LRRN3: variants seen among roughly 807,000 people sequenced by gnomAD.
LRRN3 encodes the protein leucine-rich repeat neuronal protein 3.
In LRRN3, 15 loss-of-function variants were observed where a neutral mutation model predicts 40.1. The observed-to-expected ratio is 0.37, with a 90% CI of 0.25 to 0.58. LRRN3 has a LOEUF of 0.58. Ranked by LOEUF, LRRN3 falls within the 20% of genes least tolerant of loss-of-function variation. The pLI, the probability that LRRN3 is intolerant of heterozygous loss-of-function variation, is 0.72. For synonymous variants in LRRN3, 308 were observed against 297.2 expected (o/e 1.04, Z -0.37); for missense variants, 746 against 837.7 (o/e 0.89, Z 1.35).
intron 1 of LRRN3, among the ~76,000 whole-genome samples, chr7:111,096,145 T>A (rs1797373158): frequency 6.6e-6 from 1 of 151,962 alleles, no homozygotes; most frequent in Admixed American, 6.6e-5. Context: ...TACAGAGCAA[T>A]TTTTCAACAA....
At chr7:111,111,159 G>A (rs1386470672) in intron 2 of LRRN3, among the ~76,000 whole-genome samples, 7 of 151,956 alleles carry the variant, frequency 4.6e-5, no homozygotes, top group Non-Finnish European at 7.4e-5. Context: ...TGAAATGAAT[G>A]CAAATTTATA....
In LRRN3 at chr7:111,123,714, A is replaced by C; in HGVS notation, c.942A>C (p.Ile314=). Residue 314 remains isoleucine, a synonymous_variant, in exon 3 of 3, where the codon ATA becomes ATC. Transcript: ENST00000308478. This position sits in a 1 kb window ranked among gnomAD's most constrained non-coding sequence, Gnocchi z 6.4. ...AVDNLPDLRK[I]EATNNPRLSY... ...ATAACCTGCCAGATTTAAGAAAAAT[A>C]GAAGCTACTAACAACCCTAGATTGT... 1 of 1,613,960 alleles carries C rather than the reference A, an allele frequency of 6.2e-7. No individual in the cohort carries two copies. Among genetic ancestry groups the C allele is most frequent in the Non-Finnish European group, 8.5e-7 (1 of 1,179,938 alleles).
intron 2 of LRRN3, among the ~76,000 whole-genome samples, chr7:111,104,507 AT>A: frequency 6.6e-6 from 1 of 151,886 alleles, no homozygotes; most frequent in East Asian, 1.9e-4. Flanking sequence ...GCTGATATCA[AT>A]TTTTTAAAAG....
At chr7:111,118,671 T>A (rs541798381) in intron 2 of LRRN3, among the ~76,000 whole-genome samples, 2 of 152,078 alleles carry the variant, frequency 1.3e-5, no homozygotes, top group Admixed American at 6.6e-5. Flanking sequence ...AAGAAGATAC[T>A]ATTATTACTT....
chr7:111,094,040 A>G (rs1262108559), intron 1 of LRRN3, among the ~76,000 whole-genome samples: 1 of 152,158 alleles, frequency 6.6e-6, no homozygotes, highest in Non-Finnish European at 1.5e-5. Flanking sequence ...TGATCAACTT[A>G]TGATGCACTA....
At position 111,123,814 on chromosome 7, in the gene LRRN3, G is replaced by A; in HGVS notation, c.1042G>A (p.Ala348Thr). The A allele has an allele frequency of 6.2e-7, 1 of 1,613,938 alleles. No homozygotes were observed. The highest frequency in any genetic ancestry group is 8.5e-7 in the Non-Finnish European group (1 of 1,179,968). ...SLMLNSNALSALYHGTIESLP... is the reference protein window; with the variant it reads ...SLMLNSNALSTLYHGTIESLP... ...CATGCTGAACAGCAATGCTCTCAGT[G>A]CCCTGTACCATGGTACCATTGAGTC... is the stretch of plus-strand genomic sequence containing the variant. Residue 348 changes from alanine (A) to threonine (T), a missense_variant, in exon 3 of 3, where the codon GCC (alanine) becomes ACC (threonine). Coordinates refer to ENST00000308478, the MANE Select transcript of LRRN3 (RefSeq NM_001099658.2). This position sits in a 1 kb window ranked among gnomAD's most constrained non-coding sequence, Gnocchi z 6.4.
intron 2 of LRRN3, among the ~76,000 whole-genome samples, chr7:111,101,084 G>C (rs1171056244): frequency 6.6e-6 from 1 of 151,188 alleles, no homozygotes; most frequent in Non-Finnish European, 1.5e-5. Flanking sequence ...GCAGTATATC[G>C]AATTCTCAAC....
intron 2 of LRRN3, among the ~76,000 whole-genome samples, chr7:111,106,239 G>A (rs1798534498): frequency 6.6e-6 from 1 of 151,778 alleles, no homozygotes; most frequent in Non-Finnish European, 1.5e-5. Context: ...CAAAGTACCT[G>A]GAACACTCAA....
chr7:111,111,411 A>C lies in LRRN3; in HGVS notation c.-358-11004A>C, dbSNP rs539315319. ...ATTACACTGCTTTCCATCCCCCCCCAAAAAAAAATGGCCCGTTAGTATTTT... is the reference window on the plus strand; with the variant it reads ...ATTACACTGCTTTCCATCCCCCCCCCAAAAAAAATGGCCCGTTAGTATTTT... On this transcript the variant is annotated intron_variant, in intron 2 of 2. Transcript: ENST00000308478. 6.4e-3 allele frequency among the ~76,000 whole-genome samples: 915 copies of C among 142,712 alleles called. 2 individuals carry two copies. The highest frequency in any genetic ancestry group is 7.8e-3 in the Non-Finnish European group (505 of 65,144). 93.6% of individuals were successfully genotyped at this position (142,712 alleles called of 152,430 possible).
chr7:111,120,892 C>A (rs1800518595), intron 2 of LRRN3, among the ~76,000 whole-genome samples: 1 of 150,762 alleles, frequency 6.6e-6, no homozygotes. Flanking sequence ...TGTAAGTGAA[C>A]AGTATTATTC....
At chr7:111,112,003 A>C (rs939842514) in intron 2 of LRRN3, among the ~76,000 whole-genome samples, 1 of 124,172 alleles carries the variant, frequency 8.1e-6, no homozygotes, top group African/African-American at 3.2e-5. Flanking sequence ...GCTGGAGTGC[A>C]GTGGTGCGAT....
intron 2 of LRRN3, among the ~76,000 whole-genome samples, chr7:111,116,271 T>G (rs1196885324): frequency 4.6e-5 from 7 of 152,100 alleles, no homozygotes. Context: ...AAATAAAAGT[T>G]CTTAAACATG....
chr7:111,098,957 A>C (rs1301211251), intron 1 of LRRN3, among the ~76,000 whole-genome samples: 1 of 151,744 alleles, frequency 6.6e-6, no homozygotes, highest in Non-Finnish European at 1.5e-5. Flanking sequence ...TGCTCATACT[A>C]GAATATTATA....
intron 1 of LRRN3, among the ~76,000 whole-genome samples, chr7:111,097,493 C>T (rs1177340552): frequency 6.6e-6 from 1 of 151,672 alleles, no homozygotes; most frequent in Non-Finnish European, 1.5e-5. Context: ...CTTGGGGTAA[C>T]ATTTGTTCTA....
intron 2 of LRRN3, among the ~76,000 whole-genome samples, chr7:111,114,328 GCCAC>G (rs1799590032): frequency 6.6e-6 from 1 of 151,950 alleles, no homozygotes; most frequent in African/African-American, 2.4e-5. Context: ...CTATCTCTAT[GCCAC>G]TGTTTGACAG....
In LRRN3 at chr7:111,122,788, C is replaced by T; in HGVS notation, c.16C>T (p.Leu6Phe). 6.2e-7 allele frequency: 1 copy of T among 1,612,618 alleles called. No individual in the cohort carries two copies. The highest frequency in any genetic ancestry group is 8.5e-7 in the Non-Finnish European group (1 of 1,179,154). ...GAAAGCTAAGATGAAGGACATGCCA[C>T]TCCGAATTCATGTGCTACTTGGCCT... The part of the protein sequence containing the change: MKDMP[L>F]RIHVLLGLAI... Residue 6 changes from leucine (L) to phenylalanine (F), a missense_variant, in exon 3 of 3, where the codon CTC becomes TTC. Physicochemically the swap from Leu to Phe is conservative, Grantham distance 22 (BLOSUM62 0). Transcript: ENST00000308478.
intron 2 of LRRN3, among the ~76,000 whole-genome samples, chr7:111,119,741 A>G (rs903067203): frequency 6.6e-6 from 1 of 152,208 alleles, no homozygotes; most frequent in Admixed American, 6.5e-5. Flanking sequence ...AGCACATACT[A>G]CATTATAATG....
chr7:111,111,844 A>G (rs1358058648), intron 2 of LRRN3, among the ~76,000 whole-genome samples: 1 of 151,546 alleles, frequency 6.6e-6, no homozygotes, highest in Non-Finnish European at 1.5e-5. Flanking sequence ...TGTCTCTGAA[A>G]AAGAAAAAAT....
In LRRN3 at chr7:111,123,447, A is replaced by T. The variant is rs35229264; in HGVS notation, c.675A>T (p.Thr225=). The part of the protein sequence containing the change: ...RSLVIAGINL[T]EIPDNALVGL... ...TGGTTATAGCTGGTATAAACCTCAC[A>T]GAAATACCAGATAACGCCTTGGTTG... The change falls in exon 3 of 3, where the codon ACA becomes ACT. Residue 225 remains threonine (T), a synonymous_variant. Coordinates refer to ENST00000308478, the MANE Select transcript of LRRN3 (RefSeq NM_001099658.2). This position sits in a 1 kb window ranked among gnomAD's most constrained non-coding sequence, Gnocchi z 6.4. 16 of 1,613,414 alleles carry T rather than the reference A, an allele frequency of 9.9e-6. No individual in the cohort carries two copies. In the East Asian group the frequency reaches 3.3e-4, roughly 34 times the overall value.
Sources: allele counts gnomAD v4.1 joint callset (sites outside exome capture counted in the v4.1 genomes callset), GRCh38; gene constraint gnomAD v4.1.1; non-coding constraint Gnocchi (gnomAD v3.1); transcripts MANE v1.5; gene names NCBI Gene and HGNC (gene_info 2026-07-23, HGNC 2026-07-21).